Variants in BLOC1S3 observed in about 807,000 individuals in gnomAD.
The protein encoded by BLOC1S3 is biogenesis of lysosomal organelles complex 1 subunit 3, also known as biogenesis of lysosome-related organelles complex 1 subunit 3.
A neutral mutation model predicts 9.1 loss-of-function variants in BLOC1S3; 7 were observed. The observed-to-expected ratio is 0.77, with a 90% CI of 0.44 to 1.45. The LOEUF is 1.45. Ranked by LOEUF, BLOC1S3 falls within the 40% of genes most tolerant of loss-of-function variation. BLOC1S3 has a pLI of 0.01. For missense variants in BLOC1S3, 307 were observed against 315.2 expected, an observed-to-expected ratio of 0.97 and a Z score of 0.20; for synonymous variants, 145 against 158.4, an observed-to-expected ratio of 0.92 and a Z score of 0.64.
chr19:45,216,240 C>G, intron 3 of BLOC1S3: 1 of 1,598,394 alleles, frequency 6.3e-7, no homozygotes, highest in Non-Finnish European at 8.5e-7. Flanking sequence ...CAAGATTGAC[C>G]CTGCCAATTC....
In BLOC1S3 at chr19:45,179,808, C is replaced by A; in HGVS notation, c.512C>A (p.Ala171Asp). 6.2e-7 allele frequency: 1 copy of A among 1,604,240 alleles called. No individual in the cohort carries two copies. The highest frequency in any genetic ancestry group is 1.1e-5 in the South Asian group (1 of 90,686). Residue 171 changes from alanine (A) to aspartate (D), a missense_variant, in exon 2 of 2, where the codon GCC becomes GAC. By Grantham distance (126) the Ala-to-Asp change is moderately radical (BLOSUM62 -2). Coordinates refer to ENST00000433642, the MANE Select transcript of BLOC1S3 (RefSeq NM_212550.5). This position sits in a 1 kb window ranked among gnomAD's most constrained non-coding sequence, Gnocchi z 4.6. ...GCGCGCGGGGACCTTTGTGCGCTGG[C>A]CGAGCGTCTGGACATCGTGGCTGGC... ...RLARGDLCAL[A>D]ERLDIVAGCR... is the part of the protein sequence containing the mutation.
At position 45,180,088 on chromosome 19, in the gene BLOC1S3, G is replaced by C. The variant is rs1272910928; in HGVS notation, c.*183G>C. ...TATTGGATATAGTTCAACCCCTACT[G>C]CGGAGACCAGGGCCCCACTATCCTT... On this transcript the variant is annotated 3_prime_UTR_variant, in exon 2 of 2. Transcript: ENST00000433642. The C allele has an allele frequency of 3.2e-6, 2 of 628,540 alleles. No homozygotes were observed. The highest frequency in any genetic ancestry group is 5.3e-6 in the Non-Finnish European group (2 of 380,710). 38.9% of individuals were successfully genotyped at this position (628,540 alleles called of 1,614,324 possible).
intron 2 of BLOC1S3, among the ~76,000 whole-genome samples, chr19:45,199,341 G>T (rs1261638871): frequency 8.1e-6 from 1 of 122,966 alleles, no homozygotes; most frequent in African/African-American, 3.1e-5. Flanking sequence ...TTTTGAGATG[G>T]AGTCTTGCTC....
At chr19:45,215,461 AC>A (rs1305380718) in intron 3 of BLOC1S3, among the ~76,000 whole-genome samples, 1 of 151,698 alleles carries the variant, frequency 6.6e-6, no homozygotes, top group Non-Finnish European at 1.5e-5. Context: ...ACAGAGTGAG[AC>A]CCTGTCTCAA....
At chr19:45,207,293 C>T (rs1347003317) in intron 3 of BLOC1S3, among the ~76,000 whole-genome samples, 1 of 149,852 alleles carries the variant, frequency 6.7e-6, no homozygotes, top group Non-Finnish European at 1.5e-5. Context: ...ACACCAAGCC[C>T]GACTAATTTT....
At chr19:45,206,897 G>C (rs977883522) in intron 3 of BLOC1S3, among the ~76,000 whole-genome samples, 3 of 152,082 alleles carry the variant, frequency 2.0e-5, no homozygotes, top group African/African-American at 2.4e-5. Context: ...GAGAGCAGTG[G>C]CACGACCTAG....
At chr19:45,215,870 T>A (rs896506436) in intron 3 of BLOC1S3, among the ~76,000 whole-genome samples, 2 of 152,126 alleles carry the variant, frequency 1.3e-5, no homozygotes, top group Non-Finnish European at 2.9e-5. Flanking sequence ...TGAGCCCTGG[T>A]GGCGGTGGCG....
intron 2 of BLOC1S3, among the ~76,000 whole-genome samples, chr19:45,200,916 T>C (rs1049491186): frequency 1.3e-5 from 2 of 151,948 alleles, no homozygotes; most frequent in Non-Finnish European, 2.9e-5. Flanking sequence ...ATCTTAGAGG[T>C]GCTGGCCAGG....
Position 45,179,726 on chromosome 19 carries a change from A to G in BLOC1S3, c.430A>G (p.Ser144Gly). The G allele has an allele frequency of 2.1e-6, 3 of 1,463,256 alleles. No homozygotes were observed. The highest frequency in any genetic ancestry group is 2.7e-6 in the Non-Finnish European group (3 of 1,116,040). 90.6% of individuals were successfully genotyped at this position (1,463,256 alleles called of 1,614,324 possible). A position where few individuals can be genotyped will look rare whatever the true frequency, so the allele number is the denominator to read the frequency against. The change falls in exon 2 of 2, where the codon AGT becomes GGT. Residue 144 changes from serine to glycine, a missense_variant. Physicochemically the swap from Ser to Gly is moderately conservative, Grantham distance 56. Coordinates refer to ENST00000433642, the MANE Select transcript of BLOC1S3 (RefSeq NM_212550.5). This position sits in a 1 kb window ranked among gnomAD's most constrained non-coding sequence, Gnocchi z 4.6. ...AGGCCGCGACGTGGCCGCCCTGGCT[A>G]GTAGGCTGGCGGCAGCCCAGGCGGC... ...RAGRDVAALA[S>G]RLAAAQAAGL...
At chr19:45,183,713 A>G (rs958984561), downstream of BLOC1S3, among the ~76,000 whole-genome samples, 2 of 130,492 alleles carry the variant, frequency 1.5e-5, no homozygotes, top group African/African-American at 6.0e-5. Flanking sequence ...TGCAACCTCC[A>G]CCTCCCAGGT....
chr19:45,198,428 A>C (rs1969665220), intron 2 of BLOC1S3, among the ~76,000 whole-genome samples: 1 of 151,880 alleles, frequency 6.6e-6, no homozygotes, highest in Admixed American at 6.6e-5. Context: ...AGTAGCTGGG[A>C]TTACAGGCAC....
Position 45,194,005 on chromosome 19 carries a change from G to A in BLOC1S3, n.180+6265G>A, listed in dbSNP as rs189069631. On this transcript the variant is annotated intron_variant and non_coding_transcript_variant, in intron 2 of 3. Transcript: ENST00000591569. ...TTTTTAGTAGAGAAGGGGTTTCACCGTGTTAGCCAGGATGGTCTCGATCTC... is the reference window on the plus strand; with the variant it reads ...TTTTTAGTAGAGAAGGGGTTTCACCATGTTAGCCAGGATGGTCTCGATCTC... Among the ~76,000 whole-genome samples, 405 of 134,140 alleles carry A rather than the reference G, an allele frequency of 3.0e-3. 3 individuals carry two copies. Among genetic ancestry groups the A allele is most frequent in the African/African-American group, 9.7e-3 (343 of 35,224 alleles). The allele number at this position is 134,140 out of a possible 152,430, so 88.0% of individuals were successfully genotyped here. A position where few individuals can be genotyped will look rare whatever the true frequency, so the allele number is the denominator to read the frequency against.
Position 45,193,132 on chromosome 19 carries a change from C to CAAAAAAAA in BLOC1S3, n.180+5413_180+5420dup, listed in dbSNP as rs71173123. On this transcript the variant is annotated intron_variant and non_coding_transcript_variant, in intron 2 of 3. Transcript: ENST00000591569. Reference sequence around the variant, plus strand: ...GGGCAACAAGAGCAAAACTCCGTCTCAAAAAAAAAAAAAAAAAAAAAAAAA... The same window carrying CAAAAAAAA: ...GGGCAACAAGAGCAAAACTCCGTCTCAAAAAAAAAAAAAAAAAAAAAAAAAAAAAAAAA... Among the ~76,000 whole-genome samples, 265 of 77,900 alleles carry CAAAAAAAA rather than the reference C, an allele frequency of 3.4e-3. 19 individuals are homozygous for CAAAAAAAA. The highest frequency in any genetic ancestry group is 0.019 in the Middle Eastern group (2 of 106). 51.1% of individuals were successfully genotyped at this position (77,900 alleles called of 152,430 possible). A position where few individuals can be genotyped will look rare whatever the true frequency, so the allele number is the denominator to read the frequency against.
chr19:45,190,328 GTTGAGT>G (rs546028220), intron 2 of BLOC1S3, among the ~76,000 whole-genome samples: 201 of 150,928 alleles, frequency 1.3e-3, no homozygotes, highest in Non-Finnish European at 2.3e-3. Flanking sequence ...CTTGAATTTT[GTTGAGT>G]TTCCTCAAAA....
exon 4 of BLOC1S3, chr19:45,216,792 T>C (rs1031541221): frequency 1.3e-5 from 2 of 152,186 alleles, no homozygotes; most frequent in Admixed American, 6.6e-5. Flanking sequence ...CCCTGCATTC[T>C]TTCTTACATC....
chr19:45,209,544 C>T (rs1969752208), intron 3 of BLOC1S3, among the ~76,000 whole-genome samples: 2 of 152,120 alleles, frequency 1.3e-5, no homozygotes, highest in Non-Finnish European at 2.9e-5. Flanking sequence ...GCCTCAGCCT[C>T]CCGAGTAGCT....
intron 2 of BLOC1S3, among the ~76,000 whole-genome samples, chr19:45,189,355 T>G (rs989872350): frequency 6.6e-6 from 1 of 152,142 alleles, no homozygotes; most frequent in Admixed American, 6.6e-5. Flanking sequence ...ACTTCTGTCT[T>G]GCTGCTTTTA....
At chr19:45,201,698 C>T (rs1310174030) in intron 2 of BLOC1S3, among the ~76,000 whole-genome samples, 2 of 152,168 alleles carry the variant, frequency 1.3e-5, no homozygotes, top group African/African-American at 4.8e-5. Flanking sequence ...AAGAAAAAGT[C>T]TTTCCTACTT....
intron 2 of BLOC1S3, among the ~76,000 whole-genome samples, chr19:45,197,946 TGGGAAGTCA>T: frequency 6.6e-6 from 1 of 151,468 alleles, no homozygotes; most frequent in Non-Finnish European, 1.5e-5. Flanking sequence ...CAGGAAAATC[TGGGAAGTCA>T]GGCATATCCA....
Sources: allele counts gnomAD v4.1 joint callset (sites outside exome capture counted in the v4.1 genomes callset), GRCh38; gene constraint gnomAD v4.1.1; non-coding constraint Gnocchi (gnomAD v3.1); transcripts MANE v1.5; gene names NCBI Gene and HGNC (gene_info 2026-07-23, HGNC 2026-07-21).